The following DYNC2H1 variants were observed in gnomAD, a reference collection of about 807,000 sequenced individuals.
DYNC2H1 encodes cytoplasmic dynein 2 heavy chain 1.
DYNC2H1 carries 410 observed loss-of-function variants against 570.0 expected under a neutral mutation model. That is an observed-to-expected ratio of 0.72 (90% CI 0.66 to 0.78). The LOEUF is 0.78. Among genes scored for constraint, DYNC2H1 ranks in the 30% least tolerant of loss-of-function variants. The probability of loss-of-function intolerance (pLI) is 0.00; values close to 1 mark genes in which losing one functional copy is unlikely to be tolerated. For missense variants in DYNC2H1, 4,865 were observed against 5,046.4 expected, an observed-to-expected ratio of 0.96 and a Z score of 1.09; for synonymous variants, 1,688 against 1,677.6, an observed-to-expected ratio of 1.01 and a Z score of -0.15.
At chr11:103,276,913 T>G (rs72973671) in intron 70 of DYNC2H1, among the ~76,000 whole-genome samples, 3,600 of 152,166 alleles carry the variant, frequency 0.024, 58 homozygotes, top group Middle Eastern at 0.041. Flanking sequence ...ACACATAAAA[T>G]GCCCTCCAAA....
intron 82 of DYNC2H1, among the ~76,000 whole-genome samples, chr11:103,341,723 C>T (rs1287108693): frequency 6.6e-6 from 1 of 152,142 alleles, no homozygotes; most frequent in African/African-American, 2.4e-5. Context: ...AATAGAGTCA[C>T]ATTTCTCATT....
chr11:103,329,691 C>G (rs954959486), intron 82 of DYNC2H1, among the ~76,000 whole-genome samples: 1 of 110,942 alleles, frequency 9.0e-6, no homozygotes, highest in Non-Finnish European at 2.0e-5. Context: ...TTTTTCTTCT[C>G]CTTTTCTTTT....
intron 43 of DYNC2H1, 144 bp downstream of exon 43, chr11:103,187,730 C>A (rs1397384661): frequency 9.6e-7 from 1 of 1,039,950 alleles, no homozygotes; most frequent in Non-Finnish European, 1.4e-6. Context: ...ACACTTCAGT[C>A]TTGTTCCAGT....
At chr11:103,202,605 A>T (rs1485630630) in intron 50 of DYNC2H1, among the ~76,000 whole-genome samples, 1 of 151,298 alleles carries the variant, frequency 6.6e-6, no homozygotes, top group African/African-American at 2.4e-5. Context: ...CATGTGTTCA[A>T]GTATGTACAA....
At chr11:103,346,871 G>A (rs1939769978) in intron 82 of DYNC2H1, among the ~76,000 whole-genome samples, 1 of 152,090 alleles carries the variant, frequency 6.6e-6, no homozygotes, top group East Asian at 1.9e-4. Flanking sequence ...AAAATAATTG[G>A]TTCAGACAAT....
At chr11:103,198,473 G>T (rs969961374) in intron 48 of DYNC2H1, among the ~76,000 whole-genome samples, 1 of 152,134 alleles carries the variant, frequency 6.6e-6, no homozygotes, top group African/African-American at 2.4e-5. Context: ...CCCAGATGAT[G>T]TTGATGCTGC....
At chr11:103,197,635 A>G (rs992790327) in intron 47 of DYNC2H1, among the ~76,000 whole-genome samples, 1 of 151,978 alleles carries the variant, frequency 6.6e-6, no homozygotes, top group Non-Finnish European at 1.5e-5. Context: ...TTTTATAGAG[A>G]TGGAGTCTTG....
intron 83 of DYNC2H1, among the ~76,000 whole-genome samples, chr11:103,394,920 A>G (rs1271119383): frequency 6.6e-6 from 1 of 151,968 alleles, no homozygotes; most frequent in African/African-American, 2.4e-5. Flanking sequence ...GAAATTCTAT[A>G]ATCTTTGAAT....
At chr11:103,314,656 G>T (rs912879926) in intron 79 of DYNC2H1, among the ~76,000 whole-genome samples, 1 of 151,832 alleles carries the variant, frequency 6.6e-6, no homozygotes, top group African/African-American at 2.4e-5. Context: ...CAAAAAAAAA[G>T]TTGGAGAATG....
intron 83 of DYNC2H1, among the ~76,000 whole-genome samples, chr11:103,372,745 T>C (rs1483109319): frequency 6.6e-6 from 1 of 152,224 alleles, no homozygotes; most frequent in South Asian, 2.1e-4. Context: ...ATCACAATCA[T>C]GCTGGCTTTG....
In DYNC2H1 at chr11:103,312,023, A is replaced by G; in HGVS notation, c.11639A>G (p.Tyr3880Cys). The stretch of plus-strand genomic sequence containing the variant: ...GCTGCATGTCAAGAAAGAAGAAACT[A>G]TATTCCTCAGGTAAGTAAGAACATG... Reference protein sequence around the residue: ...FHAACQERRNYIPQGWTKFYE... With the variant: ...FHAACQERRNCIPQGWTKFYE... Residue 3880 changes from tyrosine to cysteine, a missense_variant, in exon 79 of 89, where the codon TAT becomes TGT. Tyr to Cys is a radical substitution (Grantham distance 194, BLOSUM62 -2). This residue lies in a region of DYNC2H1 where 2,401 missense variants were observed against 2,454.6 expected (regional missense o/e 0.98). Transcript: ENST00000375735. The G allele has an allele frequency of 1.2e-6, 2 of 1,610,326 alleles. No homozygotes were observed. Among genetic ancestry groups the G allele is most frequent in the Non-Finnish European group, 1.7e-6 (2 of 1,178,908 alleles).
chr11:103,120,616 C>G (rs772421027), intron 7 of DYNC2H1, 35 bp downstream of exon 7: 2 of 1,595,640 alleles, frequency 1.3e-6, no homozygotes, highest in South Asian at 1.2e-5. Flanking sequence ...TGTACAGTTT[C>G]CTGTTTATGT....
chr11:103,165,796 A>G (rs564908524), intron 30 of DYNC2H1, 102 bp from the exon 31 acceptor site: 1 of 874,088 alleles, frequency 1.1e-6, no homozygotes, highest in Non-Finnish European at 1.7e-6. Flanking sequence ...GAGAGATCCA[A>G]TATACAATTG....
chr11:103,241,653 C>T lies in DYNC2H1; in HGVS notation c.9820-2040C>T. On this transcript the variant is annotated intron_variant, in intron 63 of 88. Coordinates refer to ENST00000375735, the MANE Select transcript of DYNC2H1 (RefSeq NM_001377.3). The surrounding 1 kb of genome is among the most constrained non-coding windows in gnomAD (Gnocchi z 5.1). ...GCTAGCATAAAATTAGATCAAAAAC[C>T]TAGGTGCAGCACCATGGTAACACTT... is the stretch of plus-strand genomic sequence containing the variant. The T allele has an allele frequency of 2.2e-6, 2 of 907,924 alleles. No individual in the cohort carries two copies. The highest frequency in any genetic ancestry group is 3.4e-6 in the Non-Finnish European group (2 of 594,660). The allele number at this position is 907,924 out of a possible 1,614,324, so 56.2% of individuals were successfully genotyped here.
At chr11:103,259,534 TG>T (rs1222058839) in intron 69 of DYNC2H1, among the ~76,000 whole-genome samples, 1 of 152,134 alleles carries the variant, frequency 6.6e-6, no homozygotes, top group African/African-American at 2.4e-5. Flanking sequence ...CATATTGTTT[TG>T]GGGCTGGATT....
chr11:103,399,619 A>T (rs771103663), intron 83 of DYNC2H1, 44 bp from the exon 84 acceptor site: 13 of 1,377,944 alleles, frequency 9.4e-6, no homozygotes, highest in Admixed American at 3.9e-5. Flanking sequence ...TATATCAGTG[A>T]TCTGTGTTAC....
At chr11:103,317,836 T>C (rs1937945212) in intron 80 of DYNC2H1, among the ~76,000 whole-genome samples, 1 of 152,022 alleles carries the variant, frequency 6.6e-6, no homozygotes, top group Admixed American at 6.6e-5. Flanking sequence ...TCCCTTTGTA[T>C]TGTCATATTG....
rs180755662 is a variant in DYNC2H1 at position 103,396,472 on chromosome 11, T to A, written c.12157-3191T>A. 1.3e-3 allele frequency among the ~76,000 whole-genome samples: 192 copies of A among 152,324 alleles called. 3 individuals are homozygous for A. Among genetic ancestry groups the A allele is most frequent in the Admixed American group, 6.1e-3 (93 of 15,306 alleles). ...TGTTTACTCTCTGGACTTTTACGGA[T>A]GAACATGCTAAACTCTGGTCTACCC... On this transcript the variant is annotated intron_variant, in intron 83 of 88. Coordinates refer to ENST00000375735, the MANE Select transcript of DYNC2H1 (RefSeq NM_001377.3).
intron 83 of DYNC2H1, among the ~76,000 whole-genome samples, chr11:103,380,642 C>T (rs1941605964): frequency 6.6e-6 from 1 of 152,104 alleles, no homozygotes; most frequent in South Asian, 2.1e-4. Flanking sequence ...CTCACTGGAA[C>T]CTCTGCCTCT....
Sources: allele counts gnomAD v4.1 joint callset (sites outside exome capture counted in the v4.1 genomes callset), GRCh38; gene constraint gnomAD v4.1.1; regional missense constraint gnomAD v4.1.1; non-coding constraint Gnocchi (gnomAD v3.1); transcripts MANE v1.5; gene names NCBI Gene and HGNC (gene_info 2026-07-23, HGNC 2026-07-21).